The following MAP4 variants were observed in gnomAD, a reference collection of about 807,000 sequenced individuals.
MAP4 encodes the protein microtubule associated protein 4, also known as microtubule-associated protein 4.
MAP4 carries 76 observed loss-of-function variants against 170.2 expected under a neutral mutation model. The ratio of observed to expected loss-of-function variants is 0.45; its 90% confidence interval spans 0.37 to 0.54. The LOEUF is 0.54. Ranked by LOEUF, MAP4 falls within the 20% of genes least tolerant of loss-of-function variation. MAP4 has a pLI of 0.00. For synonymous variants in MAP4, 909 were observed against 994.5 expected (o/e 0.91, Z 1.62); for missense variants, 2,506 against 2,748.0 (o/e 0.91, Z 1.97).
intron 1 of MAP4, among the ~76,000 whole-genome samples, chr3:48,086,069 T>C (rs2100148830): frequency 6.7e-6 from 1 of 149,934 alleles, no homozygotes. Context: ...TATATATATA[T>C]GTGTGTGTAT....
chr3:47,925,798 T>A (rs1375446632), intron 4 of MAP4, among the ~76,000 whole-genome samples: 1 of 152,230 alleles, frequency 6.6e-6, no homozygotes. Flanking sequence ...TAAAATTGAA[T>A]CTGGTTATGG....
At chr3:47,877,329 A>C in intron 11 of MAP4, 88 bp downstream of exon 11, 1 of 1,025,288 alleles carries the variant, frequency 9.8e-7, no homozygotes, top group Non-Finnish European at 1.5e-6. Context: ...GAAAAAAGAA[A>C]TTTCATTCGT....
chr3:47,861,751 C>G (rs993157521), intron 17 of MAP4, among the ~76,000 whole-genome samples: 39 of 152,046 alleles, frequency 2.6e-4, no homozygotes, highest in African/African-American at 8.2e-4. Context: ...CCTGGCTACT[C>G]AGGAGGCTGA....
chr3:47,880,982 A>C (rs923129237), intron 10 of MAP4, among the ~76,000 whole-genome samples: 56 of 152,158 alleles, frequency 3.7e-4, no homozygotes, highest in African/African-American at 1.3e-3. Flanking sequence ...AGAAGTCCCC[A>C]GCTGTAATTG....
At chr3:48,046,175 G>T (rs1481485448) in intron 1 of MAP4, among the ~76,000 whole-genome samples, 9 of 151,506 alleles carry the variant, frequency 5.9e-5, no homozygotes, top group Admixed American at 2.6e-4. Context: ...TTACTTTTTG[G>T]TTTTTTCCTG....
intron 1 of MAP4, among the ~76,000 whole-genome samples, chr3:48,053,280 G>A (rs1458207843): frequency 1.3e-5 from 2 of 152,100 alleles, no homozygotes; most frequent in Non-Finnish European, 2.9e-5. Flanking sequence ...ATAGCAATTA[G>A]AAAAAACTGT....
intron 1 of MAP4, among the ~76,000 whole-genome samples, chr3:48,061,005 C>T (rs910004931): frequency 1.6e-4 from 24 of 151,896 alleles, no homozygotes; most frequent in Middle Eastern, 3.4e-3. Flanking sequence ...CCACCACGCC[C>T]GGCTAATTTT....
At chr3:47,963,602 C>A (rs1009538912) in intron 3 of MAP4, among the ~76,000 whole-genome samples, 1 of 152,174 alleles carries the variant, frequency 6.6e-6, no homozygotes, top group Non-Finnish European at 1.5e-5. Context: ...TTTTAAGTTT[C>A]TTTTCCCATG....
At chr3:48,083,635 G>GATT (rs1473829971) in intron 1 of MAP4, among the ~76,000 whole-genome samples, 3 of 151,856 alleles carry the variant, frequency 2.0e-5, no homozygotes, top group African/African-American at 7.3e-5. Context: ...AAAGTGCTGG[G>GATT]ATTACAGGCA....
chr3:48,085,989 T>C (rs966137993), intron 1 of MAP4, among the ~76,000 whole-genome samples: 2 of 151,896 alleles, frequency 1.3e-5, no homozygotes, highest in African/African-American at 4.8e-5. Flanking sequence ...GAGGCGAAGG[T>C]TGCAGTGAGC....
chr3:48,035,666 A>C (rs951315853), intron 1 of MAP4, among the ~76,000 whole-genome samples: 1 of 147,614 alleles, frequency 6.8e-6, no homozygotes, highest in Non-Finnish European at 1.5e-5. Flanking sequence ...CCAGCTGGGC[A>C]TTGTGGCTCA....
chr3:47,903,244 C>A (rs1199043446), intron 9 of MAP4, among the ~76,000 whole-genome samples: 1 of 152,130 alleles, frequency 6.6e-6, no homozygotes, highest in Non-Finnish European at 1.5e-5. Flanking sequence ...CATAAGAAGT[C>A]CTTTTCTGGC....
chr3:47,898,500 C>CAA (rs879856052), intron 10 of MAP4, among the ~76,000 whole-genome samples: 71 of 81,194 alleles, frequency 8.7e-4, no homozygotes, highest in African/African-American at 2.8e-3. Context: ...GACTCCGCCT[C>CAA]AAAAAAAAAA....
intron 3 of MAP4, among the ~76,000 whole-genome samples, chr3:47,941,264 A>G (rs1304202454): frequency 6.6e-6 from 1 of 151,374 alleles, no homozygotes; most frequent in African/African-American, 2.4e-5. Flanking sequence ...AGAAGAAGAA[A>G]AGAAACTACC....
At chr3:47,860,618 T>C (rs550660348) in intron 17 of MAP4, among the ~76,000 whole-genome samples, 1 of 152,324 alleles carries the variant, frequency 6.6e-6, no homozygotes, top group East Asian at 1.9e-4. Flanking sequence ...TTCCAGCTGG[T>C]AAATGAAGAA....
At chr3:47,886,895 T>C (rs1241073623) in intron 10 of MAP4, among the ~76,000 whole-genome samples, 1 of 152,240 alleles carries the variant, frequency 6.6e-6, no homozygotes, top group East Asian at 1.9e-4. Flanking sequence ...TCTAACAGGA[T>C]TGTTTGCTTT....
intron 4 of MAP4, among the ~76,000 whole-genome samples, chr3:47,923,523 A>G (rs751225609): frequency 1.3e-5 from 2 of 150,568 alleles, no homozygotes; most frequent in Non-Finnish European, 3.0e-5. Flanking sequence ...GCTGCAGTGC[A>G]CTATGATATG....
chr3:47,990,867 G>T (rs7430913), intron 2 of MAP4, among the ~76,000 whole-genome samples: 92,067 of 152,048 alleles, frequency 0.61, 29,125 homozygotes, highest in East Asian at 0.73. Flanking sequence ...CAGCCGTGGT[G>T]CAAAACAAGT....
intron 10 of MAP4, among the ~76,000 whole-genome samples, chr3:47,893,039 A>C (rs923973613): frequency 1.3e-5 from 2 of 151,968 alleles, no homozygotes; most frequent in Non-Finnish European, 2.9e-5. Context: ...AAAAAAAAAA[A>C]AAAAACCACA....
Sources: allele counts gnomAD v4.1 joint callset (sites outside exome capture counted in the v4.1 genomes callset), GRCh38; gene constraint gnomAD v4.1.1; transcripts MANE v1.5; gene names NCBI Gene and HGNC (gene_info 2026-07-23, HGNC 2026-07-21).